ZFHX3: variants seen among roughly 807,000 people sequenced by gnomAD.
The protein encoded by ZFHX3 is zinc finger homeobox 3.
ZFHX3 carries 42 observed loss-of-function variants against 279.1 expected under a neutral mutation model. The observed-to-expected ratio is 0.15, with a 90% CI of 0.12 to 0.19. ZFHX3 has a LOEUF of 0.19. ZFHX3 is among the 10% of genes least tolerant of loss of function. The pLI is 1.00. For synonymous variants in ZFHX3, 2,293 were observed against 1,957.8 expected (o/e 1.17, Z -4.52); for missense variants, 4,981 against 4,754.0 (o/e 1.05, Z -1.40).
chr16:73,577,830 G>A (rs1204748282), intron 2 of ZFHX3, among the ~76,000 whole-genome samples: 1 of 152,210 alleles, frequency 6.6e-6, no homozygotes, highest in Non-Finnish European at 1.5e-5. Flanking sequence ...TAATAACTGA[G>A]TGAAGAGTAG....
chr16:73,819,854 A>G (rs1960683496), intron 1 of ZFHX3, among the ~76,000 whole-genome samples: 1 of 152,068 alleles, frequency 6.6e-6, no homozygotes, highest in Admixed American at 6.5e-5. Context: ...CCATATTTAA[A>G]CCAAAAAAGC....
In ZFHX3 at chr16:73,889,065, T is replaced by A. The variant is rs551986431; in HGVS notation, c.-1608+2586A>T. On this transcript the variant is annotated intron_variant, in intron 1 of 17. Coordinates refer to the ZFHX3 transcript ENST00000641206. ...AAGCTAGTAACACAGGCCCACTGATTTGTAGATTGATACGGATGCCTAATG... is the reference window on the plus strand; with the variant it reads ...AAGCTAGTAACACAGGCCCACTGATATGTAGATTGATACGGATGCCTAATG... Among the ~76,000 whole-genome samples, 3 of 152,244 alleles carry A rather than the reference T, an allele frequency of 2.0e-5. No homozygotes were observed. The South Asian group carries it at 6.2e-4, about 32-fold the overall frequency.
Position 73,576,609 on chromosome 16 carries a change from G to A in ZFHX3, c.-1547+103571C>T, listed in dbSNP as rs567459061. Among the ~76,000 whole-genome samples the A allele has an allele frequency of 5.3e-5, 8 of 152,250 alleles. No individual in the cohort carries two copies. In the East Asian group the frequency reaches 1.5e-3, roughly 29 times the overall value. ...ACGGATGGGGACCTGCCAACACCCTGCTGACAGTTCTGTTTTAACATGTAT... is the reference window on the plus strand; with the variant it reads ...ACGGATGGGGACCTGCCAACACCCTACTGACAGTTCTGTTTTAACATGTAT... On this transcript the variant is annotated intron_variant, in intron 2 of 17. Transcript: ENST00000641206.
chr16:73,534,398 C>A (rs1362582758), intron 2 of ZFHX3, among the ~76,000 whole-genome samples: 2 of 152,172 alleles, frequency 1.3e-5, no homozygotes, highest in African/African-American at 2.4e-5. Flanking sequence ...AACTCCAGAC[C>A]TTTCAGTTTC....
intron 1 of ZFHX3, among the ~76,000 whole-genome samples, chr16:73,707,507 G>GC (rs1184767804): frequency 1.4e-5 from 2 of 145,588 alleles, no homozygotes; most frequent in Non-Finnish European, 3.0e-5. Flanking sequence ...ACCAAGCACC[G>GC]CATGTTCTCA....
chr16:73,111,849 C>T (rs1966378595), intron 7 of ZFHX3, among the ~76,000 whole-genome samples: 1 of 152,072 alleles, frequency 6.6e-6, no homozygotes, highest in African/African-American at 2.4e-5. Context: ...TTTGAAACTC[C>T]AAGAAGCATT....
At chr16:73,342,031 C>T (rs1165842375) in intron 3 of ZFHX3, among the ~76,000 whole-genome samples, 1 of 152,130 alleles carries the variant, frequency 6.6e-6, no homozygotes, top group Non-Finnish European at 1.5e-5. Flanking sequence ...CTATAATTCA[C>T]TCAATTGTGC....
At chr16:73,447,537 A>G (rs1371113312) in intron 3 of ZFHX3, among the ~76,000 whole-genome samples, 1 of 152,144 alleles carries the variant, frequency 6.6e-6, no homozygotes, top group African/African-American at 2.4e-5. Flanking sequence ...GAAGCTCTCT[A>G]CCTCTTGCTA....
chr16:73,388,562 G>T (rs1306897616), intron 3 of ZFHX3, among the ~76,000 whole-genome samples: 2 of 152,176 alleles, frequency 1.3e-5, no homozygotes, highest in Non-Finnish European at 2.9e-5. Flanking sequence ...GGGATTGGAG[G>T]CTCCATGGAG....
chr16:73,592,347 T>C (rs2052008154), intron 2 of ZFHX3, among the ~76,000 whole-genome samples: 1 of 152,116 alleles, frequency 6.6e-6, no homozygotes, highest in African/African-American at 2.4e-5. Context: ...CTTTAAATAA[T>C]CTATGGGAGA....
intron 8 of ZFHX3, among the ~76,000 whole-genome samples, chr16:73,082,156 A>G (rs906992435): frequency 6.6e-6 from 1 of 151,828 alleles, no homozygotes; most frequent in East Asian, 2.0e-4. Flanking sequence ...ATCTTGATTC[A>G]ACTACGAGAT....
rs560037885 is a variant in ZFHX3 at position 73,581,137 on chromosome 16, ACTTTCCCAATTAAGCAACGGTCAAAC to A, written c.-1547+99017_-1547+99042del. Reference sequence around the variant, plus strand: ...TTCTTTATTTTCTCAATTTTTTTTAACTTTCCCAATTAAGCAACGGTCAAACTACTGGCCTTCTCCCAGTATTTTCA... The same window carrying A: ...TTCTTTATTTTCTCAATTTTTTTTAATACTGGCCTTCTCCCAGTATTTTCA... On this transcript the variant is annotated intron_variant, in intron 2 of 17. Transcript: ENST00000641206. 1.5e-3 allele frequency among the ~76,000 whole-genome samples: 224 copies of A among 151,792 alleles called. 4 individuals are homozygous for A. The highest frequency in any genetic ancestry group is 5.3e-3 in the African/African-American group (220 of 41,168).
intron 8 of ZFHX3, 23 bp from the exon 9 acceptor site, chr16:72,798,737 C>T (rs774916989): frequency 2.0e-6 from 3 of 1,464,732 alleles, no homozygotes; most frequent in Middle Eastern, 1.9e-4. Flanking sequence ...AAAAAAAAAT[C>T]AAACCCAAAG....
In ZFHX3 at chr16:73,730,370, A is replaced by G. The variant is rs550373344; in HGVS notation, c.-1607-50130T>C. Among the ~76,000 whole-genome samples the G allele has an allele frequency of 4.0e-4, 60 of 148,624 alleles. No individual in the cohort carries two copies. The East Asian group carries it at 9.6e-3, about 24-fold the overall frequency. On this transcript the variant is annotated intron_variant, in intron 1 of 17. Transcript: ENST00000641206. ...CCCCTCGCAAAAAAAAAAAAAAAAAAAAAAAGAAAAAGAGAGAGAAAGAAA... is the reference window on the plus strand; with the variant it reads ...CCCCTCGCAAAAAAAAAAAAAAAAAGAAAAAGAAAAAGAGAGAGAAAGAAA...
intron 1 of ZFHX3, among the ~76,000 whole-genome samples, chr16:72,986,963 C>A (rs987374665): frequency 6.6e-6 from 1 of 152,070 alleles, no homozygotes; most frequent in Non-Finnish European, 1.5e-5. Context: ...CTGGGTAACA[C>A]GACGAAAACA....
intron 1 of ZFHX3, among the ~76,000 whole-genome samples, chr16:73,767,949 C>G (rs2053970552): frequency 6.6e-6 from 1 of 152,166 alleles, no homozygotes; most frequent in African/African-American, 2.4e-5. Context: ...GGTGAAGCAC[C>G]TTAATGCTAG....
rs1043513628 is a variant in ZFHX3 at position 73,722,650 on chromosome 16, T to C, written c.-1607-42410A>G. Reference sequence around the variant, plus strand: ...AGAACTAAATTGTAAAGGTGAGCTATTTGGAGAGAAGATTCTGAGTGGGGA... The same window carrying C: ...AGAACTAAATTGTAAAGGTGAGCTACTTGGAGAGAAGATTCTGAGTGGGGA... On this transcript the variant is annotated intron_variant, in intron 1 of 17. Coordinates refer to the ZFHX3 transcript ENST00000641206. Among the ~76,000 whole-genome samples the C allele has an allele frequency of 2.0e-5, 3 of 152,236 alleles. No homozygotes were observed. The East Asian group carries it at 5.8e-4, about 29-fold the overall frequency.
chr16:73,580,245 C>A (rs971287476), intron 2 of ZFHX3, among the ~76,000 whole-genome samples: 1 of 151,808 alleles, frequency 6.6e-6, no homozygotes, highest in Non-Finnish European at 1.5e-5. Flanking sequence ...TCTGGGAGGC[C>A]AAGGCGGGCA....
chr16:72,924,521 T>C (rs1421786902), intron 3 of ZFHX3, among the ~76,000 whole-genome samples: 1 of 152,094 alleles, frequency 6.6e-6, no homozygotes, highest in East Asian at 1.9e-4. Context: ...AGCCAGCAGA[T>C]GGGATGAGAT....
Sources: gnomAD v4.1 joint callset for allele counts (sites outside exome capture counted in the v4.1 genomes callset) on GRCh38, gnomAD v4.1.1 for gene constraint, MANE v1.5 for transcripts, NCBI Gene and HGNC (gene_info 2026-07-23, HGNC 2026-07-21) for gene names.